The following NEDD4L variants were observed in gnomAD, a reference collection of about 807,000 sequenced individuals.
The protein encoded by NEDD4L is E3 ubiquitin-protein ligase NEDD4-like.
Under a neutral mutation model 148.9 loss-of-function variants are expected in NEDD4L, and 54 were observed. That is an observed-to-expected ratio of 0.36 (90% CI 0.29 to 0.45). The LOEUF (loss-of-function observed/expected upper bound fraction) is 0.45, where lower values mean the gene tolerates loss of function less well. NEDD4L is among the 20% of genes least tolerant of loss of function. The pLI is 1.00. For synonymous variants in NEDD4L, 433 were observed against 440.7 expected, an observed-to-expected ratio of 0.98 and a Z score of 0.22; for missense variants, 856 against 1,233.8, an observed-to-expected ratio of 0.69 and a Z score of 4.59.
At chr18:58,250,829 G>A (rs528343931) in intron 4 of NEDD4L, among the ~76,000 whole-genome samples, 2 of 152,304 alleles carry the variant, frequency 1.3e-5, no homozygotes, top group Admixed American at 6.5e-5. Context: ...ATTTGCATGC[G>A]ATGATGTAAA....
intron 1 of NEDD4L, among the ~76,000 whole-genome samples, chr18:58,051,174 C>T (rs1346800064): frequency 2.0e-5 from 3 of 152,086 alleles, no homozygotes; most frequent in Admixed American, 6.5e-5. Context: ...GGGAGGATGG[C>T]TTGAGCCTGG....
intron 19 of NEDD4L, among the ~76,000 whole-genome samples, chr18:58,361,602 G>A (rs544964289): frequency 1.3e-5 from 2 of 152,260 alleles, no homozygotes; most frequent in Admixed American, 6.5e-5. Flanking sequence ...CCCCAGATGC[G>A]CTGGTGTCAC....
intron 2 of NEDD4L, among the ~76,000 whole-genome samples, chr18:58,200,420 T>G (rs1012282244): frequency 2.6e-5 from 4 of 152,236 alleles, no homozygotes; most frequent in Admixed American, 2.0e-4. Flanking sequence ...CAGCTATCAC[T>G]GCCTCAGGGA....
At chr18:58,068,569 C>T (rs1302259723) in intron 1 of NEDD4L, among the ~76,000 whole-genome samples, 1 of 152,198 alleles carries the variant, frequency 6.6e-6, no homozygotes, top group African/African-American at 2.4e-5. Flanking sequence ...CTTTTAGTCT[C>T]AGCAGATGGA....
intron 1 of NEDD4L, among the ~76,000 whole-genome samples, chr18:58,119,720 C>T (rs1329764465): frequency 1.3e-5 from 2 of 152,192 alleles, no homozygotes; most frequent in Non-Finnish European, 2.9e-5. Flanking sequence ...TGGTTTGGCC[C>T]AGTGGTTTTC....
chr18:58,134,358 CTTTTTTTTTTT>C (rs926932340), intron 1 of NEDD4L, among the ~76,000 whole-genome samples: 8 of 11,946 alleles, frequency 6.7e-4, no homozygotes, highest in Non-Finnish European at 1.0e-3. Context: ...AATTCCATTT[CTTTTTTTTTTT>C]TTTTTTTTTT....
chr18:58,290,850 C>T (rs1307179398), intron 5 of NEDD4L, among the ~76,000 whole-genome samples: 1 of 152,104 alleles, frequency 6.6e-6, no homozygotes, highest in Non-Finnish European at 1.5e-5. Flanking sequence ...CACTGAGAAA[C>T]CCACTGGTGT....
chr18:58,202,737 C>G (rs940407053), intron 2 of NEDD4L, among the ~76,000 whole-genome samples: 8 of 152,230 alleles, frequency 5.3e-5, no homozygotes, highest in Non-Finnish European at 1.0e-4. Context: ...ACATTCAACA[C>G]AGCCTTCATC....
chr18:58,228,088 C>A (rs1305848584), intron 2 of NEDD4L, among the ~76,000 whole-genome samples: 3 of 152,188 alleles, frequency 2.0e-5, no homozygotes, highest in African/African-American at 7.2e-5. Context: ...GCCATTACCC[C>A]CATGTCCCAT....
intron 5 of NEDD4L, chr18:58,314,589 G>GCT (rs1368771097): frequency 1.2e-4 from 18 of 152,290 alleles, no homozygotes; most frequent in African/African-American, 3.9e-4. Flanking sequence ...TGCTGCTCTT[G>GCT]GTAAGACATA....
chr18:58,352,682 A>G (rs1292498558), intron 18 of NEDD4L, among the ~76,000 whole-genome samples: 3 of 152,220 alleles, frequency 2.0e-5, no homozygotes, highest in African/African-American at 7.2e-5. Context: ...AGTTTCCTTT[A>G]TAGTATTTTT....
intron 5 of NEDD4L, chr18:58,255,417 C>A: frequency 1.0e-6 from 1 of 969,424 alleles, no homozygotes; most frequent in Non-Finnish European, 1.3e-6. Context: ...ACCCTACCCT[C>A]TGTCACAGTG....
chr18:58,364,409 C>G (rs956434657), intron 20 of NEDD4L, 76 bp downstream of exon 20: 1 of 872,132 alleles, frequency 1.1e-6, no homozygotes, highest in Non-Finnish European at 1.8e-6. Flanking sequence ...GTGAGAACAA[C>G]TTGGTTGTTA....
rs756501638 is a variant in NEDD4L, at chr18:58,341,786, G to A, written c.1366G>A (p.Ala456Thr). Residue 456 changes from alanine to threonine, a missense_variant, in exon 15 of 31, where the codon GCC becomes ACC. Transcript: ENST00000400345. ...CAGCTCGCCAACAGTAACTTTATCT[G>A]CCCCGCTGGAGGTGAGACGGCTACC... ...SLSSPTVTLS[A>T]PLEGAKDSPV... 5.0e-6 allele frequency: 8 copies of A among 1,613,144 alleles called. No individual in the cohort carries two copies. The highest frequency in any genetic ancestry group is 5.9e-6 in the Non-Finnish European group (7 of 1,179,632).
At chr18:58,272,743 A>G (rs1313396655) in intron 5 of NEDD4L, among the ~76,000 whole-genome samples, 2 of 152,228 alleles carry the variant, frequency 1.3e-5, no homozygotes. Context: ...AAAGTCAGTA[A>G]GGCTAAGGGA....
intron 5 of NEDD4L, among the ~76,000 whole-genome samples, chr18:58,277,501 C>T (rs933542229): frequency 2.6e-5 from 4 of 151,936 alleles, no homozygotes; most frequent in African/African-American, 9.7e-5. Flanking sequence ...GTAATTGTGG[C>T]AGTCTCCCCT....
In NEDD4L at chr18:58,064,789, C is replaced by T. The variant is rs550957048; in HGVS notation, c.48+20081C>T. Among the ~76,000 whole-genome samples the T allele has an allele frequency of 1.4e-4, 22 of 152,252 alleles. 1 individual carries two copies. In the South Asian group the frequency reaches 4.1e-3, roughly 29 times the overall value. ...CATAACTGCCTAAAGCTTCCTGTGC[C>T]AGGAGTGGTCTTAGCTCTCAAAGAA... On this transcript the variant is annotated intron_variant, in intron 1 of 30. Coordinates refer to ENST00000400345, the MANE Select transcript of NEDD4L (RefSeq NM_001144967.3).
intron 1 of NEDD4L, among the ~76,000 whole-genome samples, chr18:58,105,696 G>A (rs980939648): frequency 8.5e-5 from 13 of 152,232 alleles, no homozygotes; most frequent in African/African-American, 2.4e-4. Context: ...CTGATATCAC[G>A]AGTCAATGTG....
intron 5 of NEDD4L, among the ~76,000 whole-genome samples, chr18:58,307,150 G>A (rs982048232): frequency 1.1e-4 from 16 of 152,112 alleles, no homozygotes; most frequent in Non-Finnish European, 1.5e-4. Flanking sequence ...ATGGCTCCCC[G>A]GGAGAGCCTC....
Sources: allele counts gnomAD v4.1 joint callset (sites outside exome capture counted in the v4.1 genomes callset), GRCh38; gene constraint gnomAD v4.1.1; transcripts MANE v1.5; gene names NCBI Gene and HGNC (gene_info 2026-07-23, HGNC 2026-07-21).